Variants in ERAP1 observed in about 807,000 individuals in gnomAD.
ERAP1 encodes the protein endoplasmic reticulum aminopeptidase 1, also known as adipocyte-derived leucine aminopeptidase.
A neutral mutation model predicts 103.7 loss-of-function variants in ERAP1; 86 were observed. The ratio of observed to expected loss-of-function variants is 0.83; its 90% CI spans 0.70 to 0.99. The LOEUF (loss-of-function observed/expected upper bound fraction) is 0.99, where lower values mean the gene tolerates loss of function less well. Ranked by LOEUF, ERAP1 falls within the 50% of genes least tolerant of loss-of-function variation. The pLI is 0.00. For synonymous variants in ERAP1, 398 were observed against 402.4 expected (o/e 0.99, Z 0.13); for missense variants, 1,009 against 1,128.4 (o/e 0.89, Z 1.52).
the ERAP1 span, among the ~76,000 whole-genome samples, chr5:96,872,917 C>T: frequency 3.3e-5 from 5 of 152,164 alleles, no homozygotes; most frequent in South Asian, 2.1e-4. Context: ...CGGCTGGGTG[C>T]GGTGGCTCAT....
the ERAP1 span, among the ~76,000 whole-genome samples, chr5:96,925,055 G>A: frequency 2.4e-3 from 367 of 152,242 alleles, 5 homozygotes; most frequent in African/African-American, 8.3e-3. Flanking sequence ...ACTCAACACC[G>A]AAAACTTGGT....
the ERAP1 span, among the ~76,000 whole-genome samples, chr5:96,920,042 C>T: frequency 2.0e-5 from 3 of 152,140 alleles, no homozygotes; most frequent in South Asian, 4.1e-4. Context: ...CCAAGTGTGG[C>T]GGCTCATGCA....
At chr5:96,854,166 A>G in the ERAP1 span, among the ~76,000 whole-genome samples, 1 of 152,338 alleles carries the variant, frequency 6.6e-6, no homozygotes, top group South Asian at 2.1e-4. Context: ...TTCCTTATCT[A>G]TAAAATATGG....
chr5:96,852,955 A>G, the ERAP1 span, among the ~76,000 whole-genome samples: 3 of 152,108 alleles, frequency 2.0e-5, no homozygotes, highest in African/African-American at 4.8e-5. Context: ...TCTACCCACA[A>G]TGAGGCAAAG....
the ERAP1 span, among the ~76,000 whole-genome samples, chr5:96,905,108 C>T: frequency 6.6e-6 from 1 of 151,934 alleles, no homozygotes; most frequent in African/African-American, 2.4e-5. Flanking sequence ...AGTACTTACT[C>T]AATAAATGTC....
the ERAP1 span, among the ~76,000 whole-genome samples, chr5:96,894,376 T>C: frequency 6.6e-6 from 1 of 152,180 alleles, no homozygotes; most frequent in Non-Finnish European, 1.5e-5. Context: ...GAATAGTGCT[T>C]AAACTGTTTC....
At chr5:96,785,480 G>T in intron 13 of ERAP1, 1 of 388,710 alleles carries the variant, frequency 2.6e-6, no homozygotes, top group South Asian at 2.1e-5. Flanking sequence ...GGACCATGCC[G>T]CGGGGACAAG....
At chr5:96,845,863 G>A in the ERAP1 span, among the ~76,000 whole-genome samples, 1 of 152,134 alleles carries the variant, frequency 6.6e-6, no homozygotes, top group Non-Finnish European at 1.5e-5. Context: ...AAAAGAAGGA[G>A]AGAAATTATA....
the ERAP1 span, among the ~76,000 whole-genome samples, chr5:96,927,659 TG>T: frequency 6.6e-6 from 1 of 152,104 alleles, no homozygotes; most frequent in Non-Finnish European, 1.5e-5. Context: ...GCTAATTTTT[TG>T]TATTTTTAGT....
the ERAP1 span, among the ~76,000 whole-genome samples, chr5:96,831,366 G>T: frequency 6.6e-6 from 1 of 152,258 alleles, no homozygotes; most frequent in South Asian, 2.1e-4. Flanking sequence ...CAACACTGGG[G>T]ATTACAATTT....
the ERAP1 span, among the ~76,000 whole-genome samples, chr5:96,891,771 T>C: frequency 6.6e-6 from 1 of 152,236 alleles, no homozygotes; most frequent in African/African-American, 2.4e-5. Context: ...GTGCTCATAA[T>C]AGAGGCTATA....
chr5:96,776,696 A>ACAT (rs2150877722), intron 18 of ERAP1, 145 bp from the exon 19 acceptor site: 2 of 1,194,908 alleles, frequency 1.7e-6, no homozygotes, highest in South Asian at 1.5e-5. Flanking sequence ...GATTATGTAC[A>ACAT]CATAAGCTGT....
chr5:96,798,617 G>T (rs569405596), intron 3 of ERAP1, among the ~76,000 whole-genome samples: 2 of 150,146 alleles, frequency 1.3e-5, no homozygotes, highest in South Asian at 4.2e-4. Context: ...GTCTTGCTAT[G>T]TTGCCCTGGC....
At chr5:96,859,391 C>G in the ERAP1 span, among the ~76,000 whole-genome samples, 7 of 152,128 alleles carry the variant, frequency 4.6e-5, no homozygotes, top group East Asian at 1.9e-4. Flanking sequence ...GTTGAGGGAA[C>G]AGTTCTGTTG....
chr5:96,835,397 A>G, the ERAP1 span, among the ~76,000 whole-genome samples: 93 of 152,324 alleles, frequency 6.1e-4, no homozygotes, highest in African/African-American at 2.2e-3. Flanking sequence ...CTTAAAATAC[A>G]CAAATGAAGA....
At chr5:96,922,912 C>A in the ERAP1 span, among the ~76,000 whole-genome samples, 2 of 152,320 alleles carry the variant, frequency 1.3e-5, no homozygotes, top group South Asian at 2.1e-4. Context: ...GCATATTATT[C>A]TTCTAGTTTC....
chr5:96,777,473 GT>G (rs923092754), intron 18 of ERAP1, among the ~76,000 whole-genome samples: 6 of 152,138 alleles, frequency 3.9e-5, no homozygotes, highest in Non-Finnish European at 5.9e-5. Flanking sequence ...GTAGGAATGG[GT>G]TTTAGAAAGA....
chr5:96,849,692 T>C, the ERAP1 span, among the ~76,000 whole-genome samples: 3 of 152,148 alleles, frequency 2.0e-5, no homozygotes, highest in African/African-American at 7.2e-5. Context: ...CCCAAAATGA[T>C]CTACAGATTC....
the ERAP1 span, among the ~76,000 whole-genome samples, chr5:96,890,934 T>C: frequency 3.3e-5 from 5 of 152,168 alleles, no homozygotes; most frequent in African/African-American, 1.2e-4. Context: ...AAAGAGCATA[T>C]GAAATATCTT....
Sources: allele counts gnomAD v4.1 joint callset (sites outside exome capture counted in the v4.1 genomes callset), GRCh38; gene constraint gnomAD v4.1.1; transcripts MANE v1.5; gene names NCBI Gene and HGNC (gene_info 2026-07-23, HGNC 2026-07-21).